The following PCDHGA3 variants were observed in gnomAD, a reference collection of about 807,000 sequenced individuals.
PCDHGA3 encodes protocadherin gamma subfamily A, 3.
PCDHGA3 carries 40 observed loss-of-function variants against 58.5 expected under a neutral mutation model. That is an observed-to-expected ratio of 0.68 (90% confidence interval 0.53 to 0.89). The LOEUF is 0.89. Ranked by LOEUF, PCDHGA3 falls within the 40% of genes least tolerant of loss-of-function variation. PCDHGA3 has a pLI of 0.00. For synonymous variants in PCDHGA3, 530 were observed against 525.7 expected (o/e 1.01, Z -0.11); for missense variants, 1,223 against 1,195.9 (o/e 1.02, Z -0.33).
intron 1 of PCDHGA3, chr5:141,412,079 T>C (rs148830663): frequency 3.3e-4 from 50 of 152,342 alleles, no homozygotes; most frequent in African/African-American, 1.1e-3. Context: ...GAACAATTGC[T>C]ACTGGGTTGA....
intron 1 of PCDHGA3, chr5:141,357,059 G>T: frequency 6.2e-7 from 1 of 1,613,980 alleles, no homozygotes; most frequent in Non-Finnish European, 8.5e-7. Context: ...TTTGCAGTGG[G>T]GCTGCACACA....
intron 1 of PCDHGA3, chr5:141,427,070 G>A (rs929936578): frequency 3.1e-5 from 14 of 457,822 alleles, no homozygotes; most frequent in Non-Finnish European, 6.2e-5. Context: ...TACTAAAGGT[G>A]ACAGCCACTG....
At chr5:141,446,202 G>T (rs780900822) in intron 1 of PCDHGA3, among the ~76,000 whole-genome samples, 13 of 152,094 alleles carry the variant, frequency 8.5e-5, no homozygotes, top group Non-Finnish European at 1.8e-4. Context: ...ATATTCCTAG[G>T]TGTCTGAAAA....
intron 1 of PCDHGA3, chr5:141,393,226 T>C (rs1291576624): frequency 6.2e-7 from 1 of 1,613,712 alleles, no homozygotes; most frequent in Non-Finnish European, 8.5e-7. Context: ...GTCGAAGATC[T>C]AGAAGTAAAA....
chr5:141,406,258 G>A (rs895877034), intron 1 of PCDHGA3, among the ~76,000 whole-genome samples: 2 of 151,882 alleles, frequency 1.3e-5, no homozygotes, highest in African/African-American at 4.8e-5. Context: ...GGTCTCAAAC[G>A]ATCTTCCTGC....
At chr5:141,435,644 T>A (rs913195454) in intron 1 of PCDHGA3, among the ~76,000 whole-genome samples, 1 of 152,170 alleles carries the variant, frequency 6.6e-6, no homozygotes, top group Non-Finnish European at 1.5e-5. Flanking sequence ...TGGGAAAATT[T>A]CTGAAACGTG....
intron 1 of PCDHGA3, chr5:141,394,556 C>T (rs752795340): frequency 1.9e-6 from 3 of 1,614,112 alleles, no homozygotes; most frequent in Admixed American, 3.3e-5. Context: ...CGCCCCGCTC[C>T]GCAGAGCGTG....
chr5:141,504,963 AC>A (rs1409940135), intron 2 of PCDHGA3, among the ~76,000 whole-genome samples: 1 of 152,038 alleles, frequency 6.6e-6, no homozygotes, highest in Non-Finnish European at 1.5e-5. Context: ...AATGCATTGG[AC>A]CAGCCTGGCC....
At chr5:141,494,763 C>T in intron 1 of PCDHGA3, 44 bp from the exon 2 acceptor site, 4 of 1,613,926 alleles carry the variant, frequency 2.5e-6, no homozygotes, top group Admixed American at 1.7e-5. Context: ...GACATTCTAA[C>T]TTCTCACGGG....
At chr5:141,384,286 G>A (rs760333073) in intron 1 of PCDHGA3, 3 of 1,613,834 alleles carry the variant, frequency 1.9e-6, no homozygotes, top group South Asian at 2.2e-5. Context: ...CTACATCGCT[G>A]AGAACAACCC....
rs532830928 is a variant in PCDHGA3 at position 141,473,487 on chromosome 5, A to G, written c.2425-21320A>G. Reference sequence around the variant, plus strand: ...TTGTGCCAAGTTCAATGGAAAAAATATAAGGTGTTCTGAGAGAGCATAACA... The same window carrying G: ...TTGTGCCAAGTTCAATGGAAAAAATGTAAGGTGTTCTGAGAGAGCATAACA... On this transcript the variant is annotated intron_variant, in intron 1 of 3. Coordinates refer to ENST00000253812, the MANE Select transcript of PCDHGA3 (RefSeq NM_018916.4). 2.0e-3 allele frequency among the ~76,000 whole-genome samples: 310 copies of G among 152,242 alleles called. 5 individuals carry two copies. The South Asian group carries it at 0.052, about 25-fold the overall frequency.
chr5:141,428,618 T>G (rs554092834), intron 1 of PCDHGA3: 12 of 206,130 alleles, frequency 5.8e-5, no homozygotes, highest in Admixed American at 2.6e-4. Context: ...AATAACAAGA[T>G]AAGCTCTAAC....
Position 141,477,376 on chromosome 5 carries a change from G to A in PCDHGA3, c.2425-17431G>A. The A allele has an allele frequency of 6.2e-7, 1 of 1,614,146 alleles. No homozygotes were observed. Among genetic ancestry groups the A allele is most frequent in the Non-Finnish European group, 8.5e-7 (1 of 1,180,026 alleles). ...GTGCAGACCTGGATCGGGAGACTGT[G>A]CCAGAATACAACCTCAGCATCACCG... On this transcript the variant is annotated intron_variant, in intron 1 of 3. Transcript: ENST00000253812. This position sits in a 1 kb window ranked among gnomAD's most constrained non-coding sequence, Gnocchi z 4.9.
At chr5:141,400,394 G>A in intron 1 of PCDHGA3, 2 of 1,614,072 alleles carry the variant, frequency 1.2e-6, no homozygotes, top group Non-Finnish European at 1.7e-6. Context: ...GCACATACAG[G>A]AAAGACGGAG....
intron 1 of PCDHGA3, chr5:141,427,102 C>T (rs1363595185): frequency 6.6e-6 from 3 of 457,858 alleles, no homozygotes; most frequent in South Asian, 3.1e-5. Flanking sequence ...GGTGTCAATG[C>T]GGAGATCACC....
At chr5:141,415,157 C>T in intron 1 of PCDHGA3, 1 of 1,613,864 alleles carries the variant, frequency 6.2e-7, no homozygotes, top group Non-Finnish European at 8.5e-7. Flanking sequence ...CTCTCCGCCA[C>T]TGTCACGCTC....
In PCDHGA3 at chr5:141,360,025, T is replaced by C. The variant is rs1336332149; in HGVS notation, c.2424+13568T>C. On this transcript the variant is annotated intron_variant, in intron 1 of 3. Transcript: ENST00000253812. ...AAACCAACCACACAGAGAAGGCCAGTATAGATTCGGAAACAGAAAACAAAA... is the reference window on the plus strand; with the variant it reads ...AAACCAACCACACAGAGAAGGCCAGCATAGATTCGGAAACAGAAAACAAAA... 12 of 1,338,564 alleles carry C rather than the reference T, an allele frequency of 9.0e-6. No individual in the cohort carries two copies. In the Admixed American group the frequency reaches 3.4e-4, roughly 38 times the overall value. 82.9% of individuals were successfully genotyped at this position (1,338,564 alleles called of 1,614,324 possible). A position where few individuals can be genotyped will look rare whatever the true frequency, so the allele number is the denominator to read the frequency against.
At chr5:141,367,105 T>G (rs1303290494) in intron 1 of PCDHGA3, 2 of 234,148 alleles carry the variant, frequency 8.5e-6, no homozygotes, top group East Asian at 2.4e-4. Flanking sequence ...AGTGTCTGCC[T>G]AGACACCATT....
chr5:141,504,224 C>T (rs2099836716), intron 2 of PCDHGA3, among the ~76,000 whole-genome samples: 2 of 152,160 alleles, frequency 1.3e-5, no homozygotes, highest in African/African-American at 4.8e-5. Flanking sequence ...TAGAGCTGAA[C>T]CTTCTAAGAA....
Sources: allele counts gnomAD v4.1 joint callset (sites outside exome capture counted in the v4.1 genomes callset), GRCh38; gene constraint gnomAD v4.1.1; non-coding constraint Gnocchi (gnomAD v3.1); transcripts MANE v1.5; gene names NCBI Gene and HGNC (gene_info 2026-07-23, HGNC 2026-07-21).